FHIP1A: variants seen among roughly 807,000 people sequenced by gnomAD.
The protein encoded by FHIP1A is FHF complex subunit HOOK interacting protein 1A.
Under a neutral mutation model 88.6 loss-of-function variants are expected in FHIP1A, and 61 were observed. The ratio of observed to expected loss-of-function variants is 0.69; its 90% CI spans 0.56 to 0.85. The LOEUF is 0.85. Ranked by LOEUF, FHIP1A falls within the 40% of genes least tolerant of loss-of-function variation. The pLI is 0.00. For synonymous variants in FHIP1A, 478 were observed against 496.0 expected (o/e 0.96, Z 0.48); for missense variants, 1,154 against 1,273.5 (o/e 0.91, Z 1.43).
intron 7 of FHIP1A, among the ~76,000 whole-genome samples, chr4:151,614,738 T>A (rs868017853): frequency 6.6e-6 from 1 of 152,112 alleles, no homozygotes; most frequent in African/African-American, 2.4e-5. Context: ...GGAATGTGAG[T>A]ACTTTCAGGG....
At chr4:151,497,389 G>C (rs1346012669) in intron 3 of FHIP1A, among the ~76,000 whole-genome samples, 1 of 151,974 alleles carries the variant, frequency 6.6e-6, no homozygotes, top group Non-Finnish European at 1.5e-5. Context: ...CCAGTCACCT[G>C]TTTTTTTATG....
intron 2 of FHIP1A, among the ~76,000 whole-genome samples, chr4:151,471,292 T>G (rs1729500613): frequency 6.7e-6 from 1 of 150,364 alleles, no homozygotes; most frequent in South Asian, 2.1e-4. Context: ...TTCCTTTTTT[T>G]TTTTTTTAAA....
intron 3 of FHIP1A, among the ~76,000 whole-genome samples, chr4:151,510,384 A>G (rs1006119711): frequency 6.6e-6 from 1 of 152,164 alleles, no homozygotes; most frequent in Non-Finnish European, 1.5e-5. Context: ...GCTGGGATTT[A>G]TAAGCATGAG....
Position 151,666,920 on chromosome 4 carries a change from A to G in FHIP1A, c.*4166A>G, listed in dbSNP as rs1335774787. On this transcript the variant is annotated 3_prime_UTR_variant, in exon 14 of 14. Coordinates refer to ENST00000435205, the MANE Select transcript of FHIP1A (RefSeq NM_001109977.3). ...GCACCCCCTTTTAAGTAAGCCCTTAATTTTAAATGGTCCCGGCGTGGTGTT... is the reference window on the plus strand; with the variant it reads ...GCACCCCCTTTTAAGTAAGCCCTTAGTTTTAAATGGTCCCGGCGTGGTGTT... Among the ~76,000 whole-genome samples, 7 of 152,194 alleles carry G rather than the reference A, an allele frequency of 4.6e-5. No individual in the cohort carries two copies. Among genetic ancestry groups the G allele is most frequent in the Admixed American group, 4.6e-4 (7 of 15,278 alleles).
Position 151,629,758 on chromosome 4 carries a change from C to A in FHIP1A, c.1035C>A (p.Ser345Arg). Residue 345 changes from serine to arginine, a missense_variant, in exon 8 of 14, where the codon AGC (serine) becomes AGA (arginine). Ser to Arg is a moderately radical substitution (Grantham distance 110, BLOSUM62 -1). Coordinates refer to ENST00000435205, the MANE Select transcript of FHIP1A (RefSeq NM_001109977.3). ...CATATCTGGACCTTTTCCTGCGTAG[C>A]ATCTCCGAGCCAGCACTACTTGAGA... ...TTAYLDLFLR[S>R]ISEPALLEIF... 1.3e-6 allele frequency: 2 copies of A among 1,551,434 alleles called. No individual in the cohort carries two copies. Among genetic ancestry groups the A allele is most frequent in the Non-Finnish European group, 1.7e-6 (2 of 1,146,800 alleles).
rs1424899855 is a variant in FHIP1A at position 151,669,858 on chromosome 4, C to G, written c.*7104C>G. 1.3e-5 allele frequency: 2 copies of G among 152,100 alleles called. No individual in the cohort carries two copies. Among genetic ancestry groups the G allele is most frequent in the East Asian group, 3.9e-4 (2 of 5,188 alleles). 9.4% of individuals were successfully genotyped at this position (152,100 alleles called of 1,614,324 possible). A position where few individuals can be genotyped will look rare whatever the true frequency, so the allele number is the denominator to read the frequency against. On this transcript the variant is annotated 3_prime_UTR_variant, in exon 14 of 14. Transcript: ENST00000435205. ...TACCTTTCTCTGCCTACCTTTTGGGCTGGGGAAGAGGGGCACCTTTCTCAT... is the reference window on the plus strand; with the variant it reads ...TACCTTTCTCTGCCTACCTTTTGGGGTGGGGAAGAGGGGCACCTTTCTCAT...
At chr4:151,467,249 A>G (rs1316892574) in intron 2 of FHIP1A, among the ~76,000 whole-genome samples, 3 of 152,250 alleles carry the variant, frequency 2.0e-5, no homozygotes, top group Non-Finnish European at 2.9e-5. Context: ...ATCGTTAGAG[A>G]AATGCAAATC....
intron 7 of FHIP1A, among the ~76,000 whole-genome samples, chr4:151,621,682 GCCCAT>G (rs1256340995): frequency 6.6e-6 from 1 of 152,030 alleles, no homozygotes; most frequent in Non-Finnish European, 1.5e-5. Context: ...TGGGGTTCTG[GCCCAT>G]GGACCATTTC....
chr4:151,466,500 C>A (rs1420366823), intron 2 of FHIP1A, among the ~76,000 whole-genome samples: 1 of 152,058 alleles, frequency 6.6e-6, no homozygotes. Flanking sequence ...CATATGGAAC[C>A]AAAAATGAGC....
Position 151,649,507 on chromosome 4 carries a change from T to C in FHIP1A, c.1466T>C (p.Ile489Thr). The C allele has an allele frequency of 6.4e-7, 1 of 1,551,660 alleles. No homozygotes were observed. The highest frequency in any genetic ancestry group is 8.7e-7 in the Non-Finnish European group (1 of 1,146,966). ...FPEAFSESACIVEYGKALDIS... is the reference protein window; with the variant it reads ...FPEAFSESACTVEYGKALDIS... The stretch of plus-strand genomic sequence containing the variant: ...GAAGCGTTCTCCGAGTCAGCCTGCA[T>C]TGTGGAGTATGGGAAAGCCCTGGAC... Residue 489 changes from isoleucine (I) to threonine (T), a missense_variant, in exon 11 of 14, where the codon ATT (isoleucine) becomes ACT (threonine). Transcript: ENST00000435205.
At chr4:151,445,871 T>TA (rs1485048979) in intron 1 of FHIP1A, among the ~76,000 whole-genome samples, 1 of 143,456 alleles carries the variant, frequency 7.0e-6, no homozygotes, top group African/African-American at 2.6e-5. Context: ...TATATATATA[T>TA]ATTTCATATG....
At chr4:151,563,310 G>C (rs374163376) in intron 3 of FHIP1A, among the ~76,000 whole-genome samples, 1 of 151,900 alleles carries the variant, frequency 6.6e-6, no homozygotes, top group Non-Finnish European at 1.5e-5. Flanking sequence ...AGTTCTTTGA[G>C]TGTTTTTTTT....
intron 3 of FHIP1A, among the ~76,000 whole-genome samples, chr4:151,544,935 AGGTGT>A (rs1253526505): frequency 5.3e-5 from 8 of 152,162 alleles, no homozygotes; most frequent in Admixed American, 5.2e-4. Context: ...AAAATTAGCC[AGGTGT>A]GGTAGTGTGC....
At chr4:151,659,311 G>A (rs899387293) in intron 13 of FHIP1A, among the ~76,000 whole-genome samples, 10 of 152,186 alleles carry the variant, frequency 6.6e-5, no homozygotes, top group South Asian at 2.1e-4. Flanking sequence ...CTGACAGAAT[G>A]AGAGTTTCCT....
rs1051252058 is a variant in FHIP1A at position 151,665,232 on chromosome 4, C to T, written c.*2478C>T. Among the ~76,000 whole-genome samples the T allele has an allele frequency of 6.6e-6, 1 of 152,308 alleles. No individual in the cohort carries two copies. The highest frequency in any genetic ancestry group is 2.4e-5 in the African/African-American group (1 of 41,564). On this transcript the variant is annotated 3_prime_UTR_variant, in exon 14 of 14. Transcript: ENST00000435205. ...GCTCAAGTGATCGTCCCGCCTTGGC[C>T]TCCCGAAGTGCTGGGATTACAGGTG...
At chr4:151,500,646 C>T (rs1264360913) in intron 3 of FHIP1A, among the ~76,000 whole-genome samples, 1 of 152,054 alleles carries the variant, frequency 6.6e-6, no homozygotes, top group Non-Finnish European at 1.5e-5. Context: ...GCAGTGCAGG[C>T]CACATTGTAA....
intron 3 of FHIP1A, chr4:151,534,616 T>C (rs1731999521): frequency 1.3e-5 from 2 of 152,206 alleles, no homozygotes; most frequent in Non-Finnish European, 2.9e-5. Flanking sequence ...AATTGACAAA[T>C]TATATTTTCA....
At chr4:151,565,782 C>T (rs1434150154) in intron 3 of FHIP1A, among the ~76,000 whole-genome samples, 2 of 151,420 alleles carry the variant, frequency 1.3e-5, no homozygotes, top group African/African-American at 4.9e-5. Context: ...ATGGCAAAAA[C>T]CGCAATTACT....
At chr4:151,530,481 A>G (rs534103214) in intron 3 of FHIP1A, among the ~76,000 whole-genome samples, 4 of 152,182 alleles carry the variant, frequency 2.6e-5, no homozygotes, top group African/African-American at 7.2e-5. Context: ...CAGATTTGCC[A>G]TTTCTTTTTG....
Sources: gnomAD v4.1 joint callset for allele counts (sites outside exome capture counted in the v4.1 genomes callset) on GRCh38, gnomAD v4.1.1 for gene constraint, MANE v1.5 for transcripts, NCBI Gene and HGNC (gene_info 2026-07-23, HGNC 2026-07-21) for gene names.